The following NPIPB2 variants were observed in gnomAD, a reference collection of about 807,000 sequenced individuals.
NPIPB2 encodes nuclear pore complex interacting protein family member B2.
NPIPB2 carries 27 observed loss-of-function variants against 30.8 expected under a neutral mutation model. That is an observed-to-expected ratio of 0.88 (90% CI 0.65 to 1.21). The LOEUF is 1.21. NPIPB2 is among the 50% of genes most tolerant of loss of function. NPIPB2 has a pLI of 0.00. For synonymous variants in NPIPB2, 147 were observed against 162.0 expected, an observed-to-expected ratio of 0.91 and a Z score of 0.70; for missense variants, 440 against 446.2, an observed-to-expected ratio of 0.99 and a Z score of 0.13.
At chr16:11,954,608 T>C (rs2055094857) in intron 1 of NPIPB2, among the ~76,000 whole-genome samples, 1 of 152,126 alleles carries the variant, frequency 6.6e-6, no homozygotes, top group Non-Finnish European at 1.5e-5. Flanking sequence ...ATATTATATT[T>C]AAAATAACTT....
chr16:11,942,142 A>G (rs921889401), upstream of NPIPB2: 9 of 1,531,182 alleles, frequency 5.9e-6, no homozygotes, highest in Non-Finnish European at 7.9e-6. Context: ...ATGTACGTAC[A>G]TTCATTTTAA....
intron 1 of NPIPB2, among the ~76,000 whole-genome samples, chr16:11,956,505 A>C (rs8053302): frequency 0.01 from 1,586 of 152,126 alleles, 33 homozygotes; most frequent in African/African-American, 0.036. Context: ...GTGAAACCCC[A>C]TCTCTATTAA....
At chr16:11,958,445 C>A (rs1005015601) in intron 1 of NPIPB2, among the ~76,000 whole-genome samples, 39 of 151,264 alleles carry the variant, frequency 2.6e-4, no homozygotes, top group African/African-American at 9.5e-4. Flanking sequence ...AAAAAAAATC[C>A]TAGGCCAGGC....
At chr16:11,934,105 C>T (rs1482249718) in intron 2 of NPIPB2, among the ~76,000 whole-genome samples, 181 bp from the exon 3 acceptor site, 12 of 151,736 alleles carry the variant, frequency 7.9e-5, no homozygotes, top group Non-Finnish European at 1.5e-5. Context: ...GCAGCGGGCG[C>T]CTGTAATCCG....
At chr16:11,973,225 C>T (rs559686642) in intron 1 of NPIPB2, among the ~76,000 whole-genome samples, 2 of 150,586 alleles carry the variant, frequency 1.3e-5, no homozygotes, top group South Asian at 2.1e-4. Flanking sequence ...AGGAGTCTAT[C>T]GTGAGGCATG....
At chr16:11,931,778 CAG>C (rs914532538) in intron 4 of NPIPB2, among the ~76,000 whole-genome samples, 2 of 149,792 alleles carry the variant, frequency 1.3e-5, no homozygotes, top group African/African-American at 4.9e-5. Context: ...GGACACCAAA[CAG>C]AATATAAAAC....
intron 1 of NPIPB2, among the ~76,000 whole-genome samples, chr16:11,966,763 T>C (rs942835404): frequency 8.5e-5 from 13 of 152,138 alleles, no homozygotes; most frequent in Admixed American, 1.3e-4. Flanking sequence ...TGAGTGAACA[T>C]TTTACTACTG....
chr16:11,952,199 T>C (rs2055073414), intron 1 of NPIPB2, among the ~76,000 whole-genome samples: 1 of 131,660 alleles, frequency 7.6e-6, no homozygotes, highest in Non-Finnish European at 1.6e-5. Context: ...AAGAAAAAAA[T>C]TAGCTGGGTG....
chr16:11,937,297 G>A (rs1320964227), intron 2 of NPIPB2, among the ~76,000 whole-genome samples: 4 of 152,118 alleles, frequency 2.6e-5, no homozygotes, highest in Non-Finnish European at 5.9e-5. Context: ...TAGCACAAAG[G>A]TTAAAAAAAC....
chr16:11,949,863 C>T (rs1042171569), intron 1 of NPIPB2, among the ~76,000 whole-genome samples: 2 of 152,146 alleles, frequency 1.3e-5, no homozygotes, highest in African/African-American at 4.8e-5. Flanking sequence ...TGAATGCGGC[C>T]TTTCCCCAGA....
chr16:11,958,887 A>G (rs1299859889), intron 1 of NPIPB2, among the ~76,000 whole-genome samples: 1 of 152,216 alleles, frequency 6.6e-6, no homozygotes, highest in Non-Finnish European at 1.5e-5. Flanking sequence ...CAATTATTGC[A>G]GGATCTCGGG....
intron 1 of NPIPB2, chr16:11,965,541 C>G (rs2055186881): frequency 2.2e-6 from 3 of 1,349,936 alleles, no homozygotes; most frequent in African/African-American, 1.5e-5. Flanking sequence ...ACATAATGGG[C>G]ATGATGGTGA....
intron 1 of NPIPB2, among the ~76,000 whole-genome samples, chr16:11,941,573 A>G (rs2054940941): frequency 6.7e-6 from 1 of 149,302 alleles, no homozygotes; most frequent in Non-Finnish European, 1.5e-5. Flanking sequence ...ACGCGGGGCA[A>G]GGGAGCGTGA....
intron 1 of NPIPB2, chr16:11,968,202 C>A (rs560268309): frequency 8.8e-6 from 2 of 226,786 alleles, no homozygotes; most frequent in East Asian, 1.7e-4. Flanking sequence ...TTTGGCCAGG[C>A]GCGGTGGCTC....
chr16:11,950,205 A>G (rs1480438706), intron 1 of NPIPB2, among the ~76,000 whole-genome samples: 2 of 151,532 alleles, frequency 1.3e-5, no homozygotes, highest in South Asian at 4.2e-4. Context: ...GCTAATTTTT[A>G]TATTTTTAGT....
rs370297932 is a variant in NPIPB2, at chr16:11,935,431, A to G, written c.193-1507T>C. The stretch of plus-strand genomic sequence containing the variant: ...CAGATTCAAGCGATTCTTGTGCCTC[A>G]GCCTCCCAAGTAGCTGGGATTACAG... On this transcript the variant is annotated intron_variant, in intron 2 of 7. Coordinates refer to ENST00000399147, the Ensembl canonical transcript of NPIPB2. 1.2e-4 allele frequency among the ~76,000 whole-genome samples: 18 copies of G among 152,178 alleles called. No homozygotes were observed. The East Asian group carries it at 1.9e-3, about 16-fold the overall frequency.
intron 1 of NPIPB2, chr16:11,965,157 T>C (rs1011413053): frequency 1.3e-6 from 1 of 763,588 alleles, no homozygotes; most frequent in African/African-American, 1.7e-5. Context: ...AATCCTTAGC[T>C]GCCGCGAAGA....
chr16:11,930,649 C>A (rs1458689197), intron 4 of NPIPB2, 98 bp from the exon 5 acceptor site: 3 of 923,244 alleles, frequency 3.2e-6, no homozygotes, highest in East Asian at 2.7e-5. Flanking sequence ...ATTCAAAGAT[C>A]CCCCCTGCAA....
intron 1 of NPIPB2, chr16:11,965,440 G>A (rs752610824): frequency 3.7e-6 from 6 of 1,614,050 alleles, no homozygotes; most frequent in East Asian, 2.2e-5. Context: ...ACATGTCAGC[G>A]TTATTGTAAT....
Sources: allele counts gnomAD v4.1 joint callset (sites outside exome capture counted in the v4.1 genomes callset), GRCh38; gene constraint gnomAD v4.1.1; transcripts MANE v1.5; gene names NCBI Gene and HGNC (gene_info 2026-07-23, HGNC 2026-07-21).